The following NFIB variants were observed in gnomAD, a reference collection of about 807,000 sequenced individuals.
NFIB encodes the protein nuclear factor I B.
A neutral mutation model predicts 61.5 loss-of-function variants in NFIB; 11 were observed. The ratio of observed to expected loss-of-function variants is 0.18; its 90% CI spans 0.11 to 0.30. The LOEUF (loss-of-function observed/expected upper bound fraction) is 0.30. Among genes scored for constraint, NFIB ranks in the 10% least tolerant of loss-of-function variants. NFIB has a pLI of 1.00. For synonymous variants in NFIB, 260 were observed against 216.5 expected (o/e 1.20, Z -1.76); for missense variants, 471 against 608.9 (o/e 0.77, Z 2.38).
chr9:14,341,326 G>A (rs539468312), intron 1 of NFIB, among the ~76,000 whole-genome samples: 31 of 152,328 alleles, frequency 2.0e-4, no homozygotes, highest in Non-Finnish European at 4.3e-4. Flanking sequence ...AATCTGCAAT[G>A]AGAAGGGGTG....
chr9:14,256,727 C>T lies in NFIB; in HGVS notation c.562+50262G>A, dbSNP rs183061442. ...TAAAACTGGACCCAAAGTGACAAGA[C>T]CATTGGGTGAGAAGGGTGAGAGGGA... On this transcript the variant is annotated intron_variant, in intron 2 of 10. Coordinates refer to ENST00000380953, the MANE Select transcript of NFIB (RefSeq NM_001190737.2). Among the ~76,000 whole-genome samples the T allele has an allele frequency of 2.0e-3, 311 of 152,190 alleles. 1 individual carries two copies. Among genetic ancestry groups the T allele is most frequent in the African/African-American group, 7.1e-3 (295 of 41,538 alleles).
chr9:14,445,507 T>C, the NFIB span, among the ~76,000 whole-genome samples: 3 of 152,202 alleles, frequency 2.0e-5, no homozygotes, highest in Non-Finnish European at 4.4e-5. Flanking sequence ...TGATCTTTTT[T>C]AGAATTTAGA....
At chr9:14,237,407 G>A (rs2053844646) in intron 2 of NFIB, among the ~76,000 whole-genome samples, 1 of 152,126 alleles carries the variant, frequency 6.6e-6, no homozygotes, top group Non-Finnish European at 1.5e-5. Context: ...CCCAAAAAGT[G>A]CCGAAGGCCA....
intron 1 of NFIB, among the ~76,000 whole-genome samples, chr9:14,331,626 A>G (rs1405214672): frequency 1.3e-5 from 2 of 152,214 alleles, no homozygotes; most frequent in African/African-American, 4.8e-5. Context: ...ATTCTCCAGT[A>G]TGTTCTGAAA....
chr9:14,425,691 C>A, the NFIB span, among the ~76,000 whole-genome samples: 1 of 140,998 alleles, frequency 7.1e-6, no homozygotes, highest in Non-Finnish European at 1.5e-5. Flanking sequence ...TTCCCTCAAA[C>A]TGCAGGATTG....
At chr9:14,238,073 G>C (rs924867047) in intron 2 of NFIB, among the ~76,000 whole-genome samples, 10 of 151,942 alleles carry the variant, frequency 6.6e-5, no homozygotes, top group African/African-American at 2.4e-4. Flanking sequence ...GGGAAGAAGA[G>C]AGTGGTAGCT....
chr9:14,462,068 G>A, the NFIB span, among the ~76,000 whole-genome samples: 1 of 152,184 alleles, frequency 6.6e-6, no homozygotes, highest in African/African-American at 2.4e-5. Flanking sequence ...TTCTTAAATA[G>A]AAATGGAAGT....
At chr9:14,305,017 T>C (rs1033396389) in intron 2 of NFIB, among the ~76,000 whole-genome samples, 2 of 152,208 alleles carry the variant, frequency 1.3e-5, no homozygotes, top group Non-Finnish European at 2.9e-5. Context: ...GTTCTTACAA[T>C]AGAGATTGTT....
At chr9:14,340,253 T>C (rs978657396) in intron 1 of NFIB, among the ~76,000 whole-genome samples, 1 of 152,206 alleles carries the variant, frequency 6.6e-6, no homozygotes, top group Non-Finnish European at 1.5e-5. Flanking sequence ...TCTTTGTGTC[T>C]TCAGCAAACT....
At chr9:14,192,402 C>A (rs771116239) in intron 2 of NFIB, among the ~76,000 whole-genome samples, 1 of 152,144 alleles carries the variant, frequency 6.6e-6, no homozygotes, top group South Asian at 2.1e-4. Context: ...TGCTTTGAAT[C>A]TTACCTAAAT....
intron 2 of NFIB, among the ~76,000 whole-genome samples, chr9:14,200,572 T>C (rs2048924292): frequency 6.6e-6 from 1 of 152,168 alleles, no homozygotes; most frequent in African/African-American, 2.4e-5. Flanking sequence ...TTAGTTGACT[T>C]TTCACACTAA....
At chr9:14,250,984 A>G (rs949419785) in intron 2 of NFIB, among the ~76,000 whole-genome samples, 1 of 152,248 alleles carries the variant, frequency 6.6e-6, no homozygotes, top group African/African-American at 2.4e-5. Flanking sequence ...AAATGCTTGT[A>G]GTTTTTCAGA....
chr9:14,171,742 T>A (rs982889769), intron 3 of NFIB, among the ~76,000 whole-genome samples: 1 of 152,150 alleles, frequency 6.6e-6, no homozygotes, highest in East Asian at 1.9e-4. Flanking sequence ...ATAAAATAAA[T>A]TTAACTTTGG....
chr9:14,505,777 G>C, the NFIB span, among the ~76,000 whole-genome samples: 1 of 152,108 alleles, frequency 6.6e-6, no homozygotes, highest in African/African-American at 2.4e-5. Flanking sequence ...CCCCACCTGG[G>C]TATCAAAGGG....
intron 2 of NFIB, among the ~76,000 whole-genome samples, chr9:14,251,668 G>A (rs1200722235): frequency 6.6e-6 from 1 of 152,190 alleles, no homozygotes; most frequent in Non-Finnish European, 1.5e-5. Flanking sequence ...CACGGCCGAG[G>A]GGCCACTGGA....
intron 2 of NFIB, among the ~76,000 whole-genome samples, chr9:14,208,179 A>G (rs1440209527): frequency 2.0e-5 from 3 of 152,124 alleles, no homozygotes; most frequent in Non-Finnish European, 4.4e-5. Context: ...AGGGTAGGCC[A>G]TTTTTTTAAA....
intron 2 of NFIB, among the ~76,000 whole-genome samples, chr9:14,196,480 C>T (rs899089637): frequency 1.2e-4 from 18 of 152,056 alleles, no homozygotes; most frequent in African/African-American, 4.1e-4. Flanking sequence ...CTGCCACCCC[C>T]TACTCTCCCC....
the NFIB span, among the ~76,000 whole-genome samples, chr9:14,431,656 G>A: frequency 6.7e-6 from 1 of 149,158 alleles, no homozygotes. Context: ...TTTACTGTGA[G>A]AGCTTAGATA....
chr9:14,314,858 C>G (rs1269653762), upstream of NFIB, among the ~76,000 whole-genome samples: 1 of 151,840 alleles, frequency 6.6e-6, no homozygotes, highest in Non-Finnish European at 1.5e-5. Flanking sequence ...CACATACACA[C>G]CCCCGAAAAC....
Sources: allele counts gnomAD v4.1 joint callset (sites outside exome capture counted in the v4.1 genomes callset), GRCh38; gene constraint gnomAD v4.1.1; transcripts MANE v1.5; gene names NCBI Gene and HGNC (gene_info 2026-07-23, HGNC 2026-07-21).